The following RASAL2 variants were observed in gnomAD, a reference collection of about 807,000 sequenced individuals.
The protein encoded by RASAL2 is ras GTPase-activating protein nGAP.
Under a neutral mutation model 128.9 loss-of-function variants are expected in RASAL2, and 58 were observed. The observed-to-expected ratio is 0.45, with a 90% CI of 0.36 to 0.56. RASAL2 has a LOEUF of 0.56. RASAL2 is among the 20% of genes least tolerant of loss of function. The pLI, the probability that RASAL2 is intolerant of heterozygous loss-of-function variation, is 0.00. For missense variants in RASAL2, 1,360 were observed against 1,601.6 expected (o/e 0.85, Z 2.57); for synonymous variants, 561 against 580.8 (o/e 0.97, Z 0.49).
chr1:178,413,807 T>C (rs1201672994), intron 4 of RASAL2, among the ~76,000 whole-genome samples: 2 of 151,868 alleles, frequency 1.3e-5, no homozygotes, highest in Non-Finnish European at 2.9e-5. Context: ...AGAAGAGAGA[T>C]AGAAATTATA....
chr1:178,298,845 G>A (rs1221633361), intron 2 of RASAL2, among the ~76,000 whole-genome samples: 1 of 151,256 alleles, frequency 6.6e-6, no homozygotes, highest in African/African-American at 2.4e-5. Context: ...TATTTAGGAT[G>A]TTACAATTCT....
chr1:178,201,521 T>G (rs987929987), intron 1 of RASAL2, among the ~76,000 whole-genome samples: 2 of 152,218 alleles, frequency 1.3e-5, no homozygotes, highest in African/African-American at 2.4e-5. Flanking sequence ...AGGGATTGCT[T>G]TTCTCTGTAT....
intron 3 of RASAL2, among the ~76,000 whole-genome samples, chr1:178,377,606 C>A (rs1234280786): frequency 6.6e-6 from 1 of 152,096 alleles, no homozygotes; most frequent in Non-Finnish European, 1.5e-5. Context: ...GAATGAGTTA[C>A]ACCTTCAGTG....
intron 3 of RASAL2, among the ~76,000 whole-genome samples, chr1:178,371,754 T>C (rs1390504518): frequency 2.6e-5 from 4 of 152,184 alleles, no homozygotes; most frequent in Admixed American, 6.5e-5. Flanking sequence ...CAAAACAAAA[T>C]GCTGAATTTG....
At chr1:178,229,910 A>G (rs184357903) in intron 1 of RASAL2, among the ~76,000 whole-genome samples, 379 of 152,334 alleles carry the variant, frequency 2.5e-3, no homozygotes, top group African/African-American at 8.8e-3. Flanking sequence ...ATCAAAGCTT[A>G]GAAAGTTTCC....
intron 1 of RASAL2, among the ~76,000 whole-genome samples, chr1:178,126,047 C>G (rs1292157274): frequency 6.6e-6 from 1 of 152,188 alleles, no homozygotes; most frequent in African/African-American, 2.4e-5. Context: ...GTACTCAGAA[C>G]TTACTACTTG....
rs548024995 is a variant in RASAL2 at position 178,442,624 on chromosome 1, T to A, written c.928-51T>A. On this transcript the variant is annotated intron_variant, in intron 7 of 17. Transcript: ENST00000367649. The stretch of plus-strand genomic sequence containing the variant: ...ATTGCCAACTTAAGAAAAAAATGTT[T>A]TTTTTTCTGCAATGTCAGCTCTGAA... 8 of 1,500,794 alleles carry A rather than the reference T, an allele frequency of 5.3e-6. No individual in the cohort carries two copies. In the South Asian group the frequency reaches 9.3e-5, roughly 18 times the overall value. The allele number at this position is 1,500,794 out of a possible 1,614,324, so 93.0% of individuals were successfully genotyped here.
At chr1:178,356,602 T>C (rs562808690) in intron 3 of RASAL2, among the ~76,000 whole-genome samples, 2 of 152,288 alleles carry the variant, frequency 1.3e-5, no homozygotes, top group East Asian at 1.9e-4. Flanking sequence ...TTATACTATT[T>C]ATATAAAATT....
chr1:178,130,596 A>G (rs994652245), intron 1 of RASAL2, among the ~76,000 whole-genome samples: 18 of 152,216 alleles, frequency 1.2e-4, no homozygotes, highest in African/African-American at 4.3e-4. Context: ...AGGAAGCCAT[A>G]TGTAACGTCT....
At chr1:178,161,588 G>A (rs1306981120) in intron 1 of RASAL2, among the ~76,000 whole-genome samples, 2 of 152,088 alleles carry the variant, frequency 1.3e-5, no homozygotes, top group South Asian at 2.1e-4. Flanking sequence ...TTGTGAACAC[G>A]TTTGTTGTTG....
chr1:178,412,296 G>T (rs1310972362), intron 4 of RASAL2, among the ~76,000 whole-genome samples: 1 of 152,140 alleles, frequency 6.6e-6, no homozygotes, highest in Admixed American at 6.5e-5. Flanking sequence ...AAGATGGTAT[G>T]TACCTTAAAA....
intron 1 of RASAL2, among the ~76,000 whole-genome samples, chr1:178,247,076 C>G (rs1365447201): frequency 6.6e-6 from 1 of 152,108 alleles, no homozygotes; most frequent in East Asian, 1.9e-4. Context: ...TGATGCTGGC[C>G]TCATAAAATG....
intron 11 of RASAL2, 130 bp from the exon 12 acceptor site, chr1:178,454,317 T>C (rs991210630): frequency 4.1e-5 from 27 of 666,414 alleles, no homozygotes; most frequent in South Asian, 2.2e-4. Context: ...TTATCACTTA[T>C]AGATAATAAA....
chr1:178,296,178 T>TGC (rs1571803088), intron 2 of RASAL2, among the ~76,000 whole-genome samples: 2 of 149,270 alleles, frequency 1.3e-5, no homozygotes, highest in Admixed American at 6.7e-5. Flanking sequence ...TGTGTGTGCA[T>TGC]ATATATATAT....
chr1:178,280,051 A>G (rs1666710680), intron 1 of RASAL2, among the ~76,000 whole-genome samples: 3 of 152,182 alleles, frequency 2.0e-5, no homozygotes, highest in Non-Finnish European at 4.4e-5. Flanking sequence ...TTGATGTAAC[A>G]GAATACGAAA....
At chr1:178,412,809 A>C (rs1674484174) in intron 4 of RASAL2, among the ~76,000 whole-genome samples, 1 of 152,144 alleles carries the variant, frequency 6.6e-6, no homozygotes, top group African/African-American at 2.4e-5. Flanking sequence ...AGGGGTATTC[A>C]TTAATGGGGA....
chr1:178,191,592 T>C (rs1662497006), intron 1 of RASAL2, among the ~76,000 whole-genome samples: 1 of 152,196 alleles, frequency 6.6e-6, no homozygotes, highest in Admixed American at 6.5e-5. Context: ...ACACGTTAGC[T>C]TTTGTTCAGT....
At position 178,397,713 on chromosome 1, in the gene RASAL2, G is replaced by A. The variant is rs567408464; in HGVS notation, c.564+7507G>A. 4.0e-5 allele frequency among the ~76,000 whole-genome samples: 6 copies of A among 151,418 alleles called. No individual in the cohort carries two copies. In the East Asian group the frequency reaches 5.8e-4, roughly 15 times the overall value. On this transcript the variant is annotated intron_variant, in intron 4 of 17. Transcript: ENST00000367649. The stretch of plus-strand genomic sequence containing the variant: ...CAGCCTCAACAACCCAGGCTCAAAC[G>A]AACCTCCCACCTCAGCTGTGAAGCT...
chr1:178,149,580 C>G (rs1225100359), intron 1 of RASAL2, among the ~76,000 whole-genome samples: 1 of 151,246 alleles, frequency 6.6e-6, no homozygotes, highest in Non-Finnish European at 1.5e-5. Context: ...TTTAATGTAC[C>G]TTTTTGCCAA....
Sources: allele counts gnomAD v4.1 joint callset (sites outside exome capture counted in the v4.1 genomes callset), GRCh38; gene constraint gnomAD v4.1.1; transcripts MANE v1.5; gene names NCBI Gene and HGNC (gene_info 2026-07-23, HGNC 2026-07-21).